Variants in AOX1 observed in about 807,000 individuals in gnomAD.
AOX1 encodes aldehyde oxidase 1.
AOX1 carries 153 observed loss-of-function variants against 169.5 expected under a neutral mutation model. The ratio of observed to expected loss-of-function variants is 0.90; its 90% confidence interval spans 0.79 to 1.03. The LOEUF is 1.03. AOX1 is among the 50% of genes least tolerant of loss of function. The pLI is 0.00. For synonymous variants in AOX1, 562 were observed against 581.9 expected (o/e 0.97, Z 0.49); for missense variants, 1,656 against 1,663.9 (o/e 1.00, Z 0.08).
chr2:200,608,695 A>G (rs1170415104), intron 10 of AOX1, among the ~76,000 whole-genome samples: 1 of 151,538 alleles, frequency 6.6e-6, no homozygotes, highest in Non-Finnish European at 1.5e-5. Context: ...CATTACCTCC[A>G]TCAACACCAC....
intron 18 of AOX1, 81 bp from the exon 19 acceptor site, chr2:200,623,780 C>T (rs540420044): frequency 6.3e-7 from 1 of 1,597,980 alleles, no homozygotes; most frequent in Admixed American, 1.7e-5. Context: ...TAATCGAGTA[C>T]TAGGAGGGAG....
Position 200,651,214 on chromosome 2 carries a change from A to G in AOX1, c.3075+13A>G. 2 of 1,611,930 alleles carry G rather than the reference A, an allele frequency of 1.2e-6. No homozygotes were observed. Among genetic ancestry groups the G allele is most frequent in the Non-Finnish European group, 1.7e-6 (2 of 1,178,038 alleles). ...TGCTGCTGGTCAGGTGAGTTCTCCAAATGCACATGAGGATGCTGCCTGGAA... is the reference window on the plus strand; with the variant it reads ...TGCTGCTGGTCAGGTGAGTTCTCCAGATGCACATGAGGATGCTGCCTGGAA... On this transcript the variant is annotated intron_variant, in intron 26 of 34. Transcript: ENST00000374700.
chr2:200,655,115 A>G (rs1391683974), intron 26 of AOX1, among the ~76,000 whole-genome samples: 1 of 152,258 alleles, frequency 6.6e-6, no homozygotes, highest in African/African-American at 2.4e-5. Flanking sequence ...TATGGAGTCT[A>G]CAAGATTAAG....
intron 15 of AOX1, among the ~76,000 whole-genome samples, chr2:200,615,705 A>G (rs771646595): frequency 1.4e-4 from 22 of 152,248 alleles, no homozygotes; most frequent in Non-Finnish European, 3.1e-4. Context: ...AGAGAATCAT[A>G]AGAAACATAG....
chr2:200,663,561 C>CACACAT (rs1461940782), intron 31 of AOX1, among the ~76,000 whole-genome samples: 5 of 130,182 alleles, frequency 3.8e-5, no homozygotes, highest in African/African-American at 1.4e-4. Context: ...CACACACACA[C>CACACAT]ACACACACAC....
intron 31 of AOX1, among the ~76,000 whole-genome samples, chr2:200,665,015 T>A (rs1397626893): frequency 2.0e-5 from 3 of 152,098 alleles, no homozygotes; most frequent in Non-Finnish European, 4.4e-5. Context: ...CCCTCCATCA[T>A]AGCGTTGTTG....
rs746027158 is a variant in AOX1, at chr2:200,642,818, T to C, written c.2847+17T>C. The C allele has an allele frequency of 6.2e-7, 1 of 1,603,066 alleles. No homozygotes were observed. The highest frequency in any genetic ancestry group is 8.5e-7 in the Non-Finnish European group (1 of 1,173,208). The stretch of plus-strand genomic sequence containing the variant: ...CCTGAGAAGGTAATACTAAATCAGC[T>C]TCACAGACAAAACATGTGGAATGTC... On this transcript the variant is annotated intron_variant, in intron 25 of 34. Coordinates refer to ENST00000374700, the MANE Select transcript of AOX1 (RefSeq NM_001159.4).
intron 31 of AOX1, among the ~76,000 whole-genome samples, chr2:200,664,885 C>T (rs1285389860): frequency 6.6e-6 from 1 of 152,236 alleles, no homozygotes; most frequent in African/African-American, 2.4e-5. Context: ...CACACCACTT[C>T]TGAGGGGCTG....
At chr2:200,627,537 C>A in intron 20 of AOX1, 88 bp downstream of exon 20, 1 of 933,342 alleles carries the variant, frequency 1.1e-6, no homozygotes. Context: ...AATCATCGGG[C>A]AGCCTAGGGG....
intron 33 of AOX1, among the ~76,000 whole-genome samples, chr2:200,669,207 G>T (rs1318436915): frequency 6.6e-6 from 1 of 152,166 alleles, no homozygotes; most frequent in African/African-American, 2.4e-5. Context: ...ACTTTGGGAG[G>T]CCAAGGCGGG....
chr2:200,586,213 A>G, intron 1 of AOX1, 60 bp downstream of exon 1: 1 of 1,474,352 alleles, frequency 6.8e-7, no homozygotes, highest in Admixed American at 2.3e-5. Context: ...GGCAGAGAGG[A>G]GCCCCTGCCG....
chr2:200,656,695 A>AC lies in AOX1; in HGVS notation c.3076-143dup, dbSNP rs572946408. ...TAGAGTCCCCGCCCTGGTTTCCCCC[A>AC]CCCCAAAAAGAAACCTAAAATGTTG... On this transcript the variant is annotated intron_variant, in intron 26 of 34. Transcript: ENST00000374700. 16 of 438,460 alleles carry AC rather than the reference A, an allele frequency of 3.6e-5. No individual in the cohort carries two copies. In the East Asian group the frequency reaches 5.5e-4, roughly 15 times the overall value. The allele number at this position is 438,460 out of a possible 1,614,324, so 27.2% of individuals were successfully genotyped here.
intron 34 of AOX1, among the ~76,000 whole-genome samples, chr2:200,670,276 T>TGG (rs2036001787): frequency 6.6e-6 from 1 of 152,202 alleles, no homozygotes; most frequent in African/African-American, 2.4e-5. Flanking sequence ...CTGTTCACAG[T>TGG]TACCACCCTG....
chr2:200,625,708 A>G (rs2034985622), intron 19 of AOX1, among the ~76,000 whole-genome samples: 1 of 152,236 alleles, frequency 6.6e-6, no homozygotes, highest in Non-Finnish European at 1.5e-5. Flanking sequence ...GCAAGCAGCC[A>G]GTGAAGTTGA....
downstream of AOX1, among the ~76,000 whole-genome samples, chr2:200,672,270 GTT>G (rs1302876940): frequency 6.6e-6 from 1 of 152,220 alleles, no homozygotes; most frequent in East Asian, 1.9e-4. Flanking sequence ...ATAAAGGTGA[GTT>G]TTATGGTATG....
chr2:200,614,004 G>A, intron 15 of AOX1, 38 bp downstream of exon 15: 2 of 1,592,530 alleles, frequency 1.3e-6, no homozygotes, highest in Non-Finnish European at 1.7e-6. Flanking sequence ...CCCAGTACTG[G>A]GAGCTATGAT....
chr2:200,659,144 A>G (rs761943136), intron 27 of AOX1, 21 bp from the exon 28 acceptor site: 1 of 1,612,000 alleles, frequency 6.2e-7, no homozygotes, highest in Non-Finnish European at 8.5e-7. Flanking sequence ...GTTTAAAAGG[A>G]AACTCTCTCT....
rs746644279 is a variant in AOX1 at position 200,608,959 on chromosome 2, T to C, written c.908-25T>C. On this transcript the variant is annotated intron_variant, in intron 10 of 34. Transcript: ENST00000374700. ...TCAGATCAGCAGTGATCGCACTGTG[T>C]TATTTACAAATGACTTCATTTCAGG... 23 of 1,608,182 alleles carry C rather than the reference T, an allele frequency of 1.4e-5. No individual in the cohort carries two copies. In the East Asian group the frequency reaches 4.7e-4, roughly 33 times the overall value.
At chr2:200,673,479 G>C (rs187364897), downstream of AOX1, among the ~76,000 whole-genome samples, 1 of 152,312 alleles carries the variant, frequency 6.6e-6, no homozygotes, top group Non-Finnish European at 1.5e-5. Flanking sequence ...GACAGTTCCT[G>C]AATCTGCCTC....
Sources: gnomAD v4.1 joint callset for allele counts (sites outside exome capture counted in the v4.1 genomes callset) on GRCh38, gnomAD v4.1.1 for gene constraint, MANE v1.5 for transcripts, NCBI Gene and HGNC (gene_info 2026-07-23, HGNC 2026-07-21) for gene names.